Variants in SGMS2 observed in about 807,000 individuals in gnomAD.
SGMS2 encodes sphingomyelin synthase 2, also known as phosphatidylcholine:ceramide cholinephosphotransferase 2.
SGMS2 carries 21 observed loss-of-function variants against 43.8 expected under a neutral mutation model. That is an observed-to-expected ratio of 0.48 (90% CI 0.34 to 0.69). The LOEUF (loss-of-function observed/expected upper bound fraction) is 0.69, where lower values mean the gene tolerates loss of function less well. Among genes scored for constraint, SGMS2 ranks in the 30% least tolerant of loss-of-function variants. SGMS2 has a pLI of 0.01. For synonymous variants in SGMS2, 167 were observed against 160.6 expected (o/e 1.04, Z -0.30); for missense variants, 384 against 443.2 (o/e 0.87, Z 1.20).
chr4:107,828,325 C>T (rs904773534), intron 1 of SGMS2, among the ~76,000 whole-genome samples: 2 of 152,182 alleles, frequency 1.3e-5, no homozygotes, highest in Non-Finnish European at 2.9e-5. Flanking sequence ...CACTCCAACC[C>T]GGTGAGGTAG....
intron 1 of SGMS2, among the ~76,000 whole-genome samples, chr4:107,835,362 C>G (rs1726114436): frequency 6.6e-6 from 1 of 152,080 alleles, no homozygotes; most frequent in Non-Finnish European, 1.5e-5. Context: ...TAAATGCATC[C>G]TTTTTAGATT....
intron 2 of SGMS2, among the ~76,000 whole-genome samples, chr4:107,880,508 T>C (rs1389168): frequency 0.71 from 108,397 of 151,908 alleles, 39,579 homozygotes; most frequent in African/African-American, 0.86. Context: ...ATTGGTACCT[T>C]CCCATTTTGG....
chr4:107,868,757 G>A (rs1728331729), intron 2 of SGMS2, among the ~76,000 whole-genome samples: 1 of 152,038 alleles, frequency 6.6e-6, no homozygotes, highest in South Asian at 2.1e-4. Flanking sequence ...ATAAAATGAA[G>A]CCTTTTTCTG....
At chr4:107,892,911 G>A (rs565598767) in intron 2 of SGMS2, among the ~76,000 whole-genome samples, 1 of 152,082 alleles carries the variant, frequency 6.6e-6, no homozygotes, top group South Asian at 2.1e-4. Context: ...TTTCAAAATA[G>A]GAATGAATAT....
At chr4:107,880,766 A>G (rs940501362) in intron 2 of SGMS2, among the ~76,000 whole-genome samples, 1 of 151,448 alleles carries the variant, frequency 6.6e-6, no homozygotes, top group African/African-American at 2.4e-5. Context: ...AGGCATGAAG[A>G]TCGCTTGAAC....
At chr4:107,831,760 G>C (rs957931819) in intron 1 of SGMS2, among the ~76,000 whole-genome samples, 2 of 152,094 alleles carry the variant, frequency 1.3e-5, no homozygotes, top group African/African-American at 4.8e-5. Flanking sequence ...TTTCCTTTGG[G>C]GTTAAAATAA....
chr4:107,826,679 T>A (rs1725611982), intron 1 of SGMS2, among the ~76,000 whole-genome samples: 1 of 152,202 alleles, frequency 6.6e-6, no homozygotes, highest in South Asian at 2.1e-4. Context: ...AGTTAATGTT[T>A]AATTTGGTTC....
Position 107,902,086 on chromosome 4 carries a change from CT to C in SGMS2, c.574-1135del, listed in dbSNP as rs574752893. Among the ~76,000 whole-genome samples the C allele has an allele frequency of 8.0e-3, 1,146 of 142,930 alleles. 4 individuals are homozygous for C. Among genetic ancestry groups the C allele is most frequent in the African/African-American group, 0.011 (439 of 38,986 alleles). 93.8% of individuals were successfully genotyped at this position (142,930 alleles called of 152,430 possible). On this transcript the variant is annotated intron_variant, in intron 4 of 6. Transcript: ENST00000690982. ...CATACCTGGCTAATTTTGTTTTTTC[CT>C]TTTTTTTTTTTAGTAGAGACAGGGT...
chr4:107,855,331 G>A (rs1489897568), intron 1 of SGMS2, among the ~76,000 whole-genome samples: 3 of 152,122 alleles, frequency 2.0e-5, no homozygotes, highest in Non-Finnish European at 4.4e-5. Flanking sequence ...GGCATATGGT[G>A]CTATAAAATT....
At chr4:107,830,434 A>G (rs528622495) in intron 1 of SGMS2, among the ~76,000 whole-genome samples, 7 of 152,190 alleles carry the variant, frequency 4.6e-5, no homozygotes, top group African/African-American at 1.7e-4. Context: ...GTTCTGTTCT[A>G]AGTTCTTTGA....
chr4:107,836,633 C>A (rs1726194082), intron 1 of SGMS2, among the ~76,000 whole-genome samples: 1 of 152,206 alleles, frequency 6.6e-6, no homozygotes, highest in Admixed American at 6.5e-5. Flanking sequence ...TCGTCTACCT[C>A]TTGTCCACCA....
chr4:107,848,774 T>C (rs1235634352), intron 1 of SGMS2, among the ~76,000 whole-genome samples: 5 of 152,214 alleles, frequency 3.3e-5, no homozygotes, highest in Non-Finnish European at 7.3e-5. Context: ...TGTTGAGTTT[T>C]AGGAGCTCTA....
chr4:107,902,836 A>C (rs1286771763), intron 4 of SGMS2, among the ~76,000 whole-genome samples: 1 of 152,206 alleles, frequency 6.6e-6, no homozygotes, highest in Non-Finnish European at 1.5e-5. Flanking sequence ...TACACTGCAG[A>C]GAATATTGGT....
chr4:107,865,875 C>G (rs1728076520), intron 2 of SGMS2, among the ~76,000 whole-genome samples: 1 of 152,140 alleles, frequency 6.6e-6, no homozygotes, highest in Non-Finnish European at 1.5e-5. Flanking sequence ...GTGATTCTTC[C>G]ATGAATTTAT....
intron 1 of SGMS2, among the ~76,000 whole-genome samples, chr4:107,845,801 C>T (rs1401000766): frequency 2.0e-5 from 3 of 152,106 alleles, no homozygotes; most frequent in African/African-American, 4.8e-5. Flanking sequence ...TTGTGTTGCA[C>T]GCTGAATGAG....
intron 2 of SGMS2, among the ~76,000 whole-genome samples, chr4:107,866,077 G>C (rs966037283): frequency 1.3e-5 from 2 of 152,210 alleles, no homozygotes; most frequent in Non-Finnish European, 2.9e-5. Flanking sequence ...GTCAGGGTTA[G>C]AACCTGGATT....
At chr4:107,865,096 T>G (rs1728019104) in intron 2 of SGMS2, among the ~76,000 whole-genome samples, 1 of 152,206 alleles carries the variant, frequency 6.6e-6, no homozygotes, top group South Asian at 2.1e-4. Context: ...GTGATTCAAA[T>G]AAGCTTCGAT....
intron 2 of SGMS2, among the ~76,000 whole-genome samples, chr4:107,891,696 G>C (rs893349127): frequency 8.5e-5 from 13 of 152,162 alleles, no homozygotes; most frequent in African/African-American, 3.1e-4. Context: ...TGAGGAGGTG[G>C]TGTTTGATTT....
chr4:107,839,343 G>A (rs900477864), intron 1 of SGMS2, among the ~76,000 whole-genome samples: 2 of 151,846 alleles, frequency 1.3e-5, no homozygotes, highest in African/African-American at 2.4e-5. Context: ...CCACCCCAAC[G>A]GTAGTTATTT....
Sources: gnomAD v4.1 joint callset for allele counts (sites outside exome capture counted in the v4.1 genomes callset) on GRCh38, gnomAD v4.1.1 for gene constraint, MANE v1.5 for transcripts, NCBI Gene and HGNC (gene_info 2026-07-23, HGNC 2026-07-21) for gene names.